SLC2A9: variants seen among roughly 807,000 people sequenced by gnomAD.
SLC2A9 encodes solute carrier family 2, facilitated glucose transporter member 9.
A neutral mutation model predicts 50.6 loss-of-function variants in SLC2A9; 39 were observed. The ratio of observed to expected loss-of-function variants is 0.77; its 90% CI spans 0.60 to 1.01. The LOEUF (loss-of-function observed/expected upper bound fraction) is 1.01, where lower values mean the gene tolerates loss of function less well. Ranked by LOEUF, SLC2A9 falls within the 50% of genes least tolerant of loss-of-function variation. SLC2A9 has a pLI of 0.00. For missense variants in SLC2A9, 686 were observed against 677.6 expected, an observed-to-expected ratio of 1.01 and a Z score of -0.14; for synonymous variants, 324 against 276.9, an observed-to-expected ratio of 1.17 and a Z score of -1.69.
chr4:9,907,107 G>C lies in SLC2A9; in HGVS notation c.1113+1128C>G, dbSNP rs551129681. Among the ~76,000 whole-genome samples the C allele has an allele frequency of 1.8e-4, 27 of 152,358 alleles. No homozygotes were observed. The South Asian group carries it at 5.2e-3, about 29-fold the overall frequency. On this transcript the variant is annotated intron_variant, in intron 8 of 11. Coordinates refer to ENST00000264784, the MANE Select transcript of SLC2A9 (RefSeq NM_020041.3). ...CTTGTCAGTGCAAATCAGTGAGCAA[G>C]AGTGAAAATAAATGAACTACTCCAT... is the stretch of plus-strand genomic sequence containing the variant.
At chr4:9,999,493 T>C (rs749045314) in intron 2 of SLC2A9, among the ~76,000 whole-genome samples, 2 of 152,154 alleles carry the variant, frequency 1.3e-5, no homozygotes, top group Non-Finnish European at 2.9e-5. Context: ...AGAAAAATGG[T>C]AGGAAAGTGT....
downstream of SLC2A9, among the ~76,000 whole-genome samples, chr4:9,777,907 G>T (rs892864862): frequency 6.6e-6 from 1 of 152,166 alleles, no homozygotes; most frequent in Admixed American, 6.5e-5. Flanking sequence ...GGATGGAGAG[G>T]TTCAAACATT....
At chr4:9,847,133 A>G (rs1729110202) in intron 10 of SLC2A9, among the ~76,000 whole-genome samples, 2 of 152,204 alleles carry the variant, frequency 1.3e-5, no homozygotes, top group Non-Finnish European at 2.9e-5. Context: ...GTGTGGCTGT[A>G]TTAGTCCGTT....
intron 5 of SLC2A9, among the ~76,000 whole-genome samples, chr4:9,946,959 G>A (rs1221652473): frequency 6.6e-6 from 1 of 152,176 alleles, no homozygotes; most frequent in Non-Finnish European, 1.5e-5. Flanking sequence ...TGGATTGACT[G>A]ACACTTCTTC....
At chr4:9,843,541 G>A (rs1728439849) in intron 10 of SLC2A9, among the ~76,000 whole-genome samples, 1 of 152,104 alleles carries the variant, frequency 6.6e-6, no homozygotes, top group Admixed American at 6.5e-5. Flanking sequence ...GGAGCATGCT[G>A]CTTGAATCAG....
intron 7 of SLC2A9, among the ~76,000 whole-genome samples, chr4:9,915,463 C>T (rs375105201): frequency 2.6e-5 from 4 of 152,238 alleles, no homozygotes; most frequent in South Asian, 2.1e-4. Flanking sequence ...CTTGAACTCC[C>T]GACCTCAAGT....
At chr4:9,892,847 T>C (rs1448180632) in intron 8 of SLC2A9, among the ~76,000 whole-genome samples, 1 of 152,238 alleles carries the variant, frequency 6.6e-6, no homozygotes, top group Non-Finnish European at 1.5e-5. Context: ...TTTCTGATGA[T>C]AATGGAGTTA....
intron 1 of SLC2A9, chr4:10,034,464 A>T (rs1296304824): frequency 6.6e-6 from 1 of 152,304 alleles, no homozygotes; most frequent in African/African-American, 2.4e-5. Flanking sequence ...GGTGAGAGGG[A>T]CTGTAGCCAG....
intron 10 of SLC2A9, among the ~76,000 whole-genome samples, chr4:9,871,233 C>T (rs1284686978): frequency 6.6e-6 from 1 of 152,110 alleles, no homozygotes; most frequent in Non-Finnish European, 1.5e-5. Flanking sequence ...GCCCTGGTAC[C>T]CTGCATCTAC....
chr4:9,877,794 C>T (rs1734539090), intron 10 of SLC2A9, among the ~76,000 whole-genome samples: 2 of 152,174 alleles, frequency 1.3e-5, no homozygotes, highest in South Asian at 4.1e-4. Context: ...TCTGATGCTC[C>T]TGCCATCTTC....
chr4:9,861,063 C>T (rs186429500), intron 10 of SLC2A9, among the ~76,000 whole-genome samples: 6 of 152,270 alleles, frequency 3.9e-5, no homozygotes, highest in South Asian at 2.1e-4. Context: ...TATTGCTACA[C>T]GTATTAGTCT....
intron 10 of SLC2A9, among the ~76,000 whole-genome samples, chr4:9,876,285 T>C (rs1329470025): frequency 6.6e-6 from 1 of 152,200 alleles, no homozygotes; most frequent in Non-Finnish European, 1.5e-5. Flanking sequence ...CACAGGGCTA[T>C]AAATAGTCCA....
chr4:10,033,820 G>A (rs1029674604), intron 1 of SLC2A9, among the ~76,000 whole-genome samples: 3 of 152,180 alleles, frequency 2.0e-5, no homozygotes, highest in East Asian at 1.9e-4. Context: ...GGTGGTGTCC[G>A]AAATCCAGGG....
chr4:9,980,706 A>G lies in SLC2A9; in HGVS notation c.567T>C (p.Leu189=), dbSNP rs13125646. 1,262,566 of 1,613,922 alleles carry G rather than the reference A, an allele frequency of 0.78. 497,654 individuals carry two copies. Among genetic ancestry groups the G allele is most frequent in the East Asian group, 0.99 (44,293 of 44,858 alleles). ...GVALSVLPMY[L]SEISPKEIRG... is the part of the protein sequence containing the mutation. ...GGATCTCCTTGGGTGAGATCTCACT[A>G]AGGTACATGGGGAGCACACTGAGGG... is the stretch of plus-strand genomic sequence containing the variant. The change falls in exon 5 of 12, where the codon CTT becomes CTC. Residue 189 remains leucine, a synonymous_variant. Transcript: ENST00000264784.
chr4:9,819,070 G>T (rs1435832190), intron 3 of SLC2A9, among the ~76,000 whole-genome samples: 1 of 133,948 alleles, frequency 7.5e-6, no homozygotes, highest in Non-Finnish European at 1.5e-5. Flanking sequence ...AGTGAGCCAA[G>T]ATTGCACCAT....
At chr4:9,962,316 C>T (rs545721917) in intron 5 of SLC2A9, among the ~76,000 whole-genome samples, 4 of 152,172 alleles carry the variant, frequency 2.6e-5, no homozygotes, top group East Asian at 3.9e-4. Context: ...TGGAATTAAC[C>T]GAAATGCCTG....
intron 8 of SLC2A9, among the ~76,000 whole-genome samples, chr4:9,891,335 C>G (rs1205858250): frequency 2.0e-5 from 3 of 152,166 alleles, no homozygotes; most frequent in Admixed American, 1.3e-4. Flanking sequence ...GGAAACAGCT[C>G]CTCAACTGCC....
intron 3 of SLC2A9, among the ~76,000 whole-genome samples, chr4:9,785,377 A>G (rs1719087758): frequency 6.6e-6 from 1 of 152,252 alleles, no homozygotes; most frequent in Admixed American, 6.5e-5. Flanking sequence ...TGCATGATGC[A>G]TCCTCCAGTG....
intron 1 of SLC2A9, among the ~76,000 whole-genome samples, chr4:10,033,918 C>A (rs1764015706): frequency 6.6e-6 from 1 of 152,248 alleles, no homozygotes; most frequent in African/African-American, 2.4e-5. Flanking sequence ...AGCCCTTCTG[C>A]CCTGCAGAGC....
Sources: gnomAD v4.1 joint callset for allele counts (sites outside exome capture counted in the v4.1 genomes callset) on GRCh38, gnomAD v4.1.1 for gene constraint, MANE v1.5 for transcripts, NCBI Gene and HGNC (gene_info 2026-07-23, HGNC 2026-07-21) for gene names.